VAV3: variants seen among roughly 807,000 people sequenced by gnomAD.
VAV3 encodes guanine nucleotide exchange factor VAV3.
A neutral mutation model predicts 131.2 loss-of-function variants in VAV3; 94 were observed. That is an observed-to-expected ratio of 0.72 (90% CI 0.61 to 0.85). VAV3 has a LOEUF of 0.85. Ranked by LOEUF, VAV3 falls within the 40% of genes least tolerant of loss-of-function variation. The pLI, the probability that VAV3 is intolerant of heterozygous loss-of-function variation, is 0.00. For missense variants in VAV3, 939 were observed against 1,002.7 expected, an observed-to-expected ratio of 0.94 and a Z score of 0.86; for synonymous variants, 349 against 342.0, an observed-to-expected ratio of 1.02 and a Z score of -0.22.
intron 15 of VAV3, among the ~76,000 whole-genome samples, chr1:107,748,472 T>C (rs573077485): frequency 1.3e-3 from 198 of 152,314 alleles, no homozygotes; most frequent in African/African-American, 4.6e-3. Context: ...CCTTAAAGCA[T>C]TCCTTAAATA....
intron 21 of VAV3, among the ~76,000 whole-genome samples, chr1:107,612,862 A>G (rs116300994): frequency 7.2e-4 from 109 of 152,218 alleles, no homozygotes; most frequent in African/African-American, 2.6e-3. Flanking sequence ...GAAATACCAT[A>G]AGGTTTCTAT....
At chr1:107,811,319 C>T (rs1667305498) in intron 2 of VAV3, among the ~76,000 whole-genome samples, 1 of 145,390 alleles carries the variant, frequency 6.9e-6, no homozygotes, top group South Asian at 2.2e-4. Flanking sequence ...TGAGCTTGAC[C>T]ACCAGATCTG....
chr1:107,905,827 C>A lies in VAV3; in HGVS notation c.205-30810G>T, dbSNP rs573248168. Among the ~76,000 whole-genome samples, 21 of 152,190 alleles carry A rather than the reference C, an allele frequency of 1.4e-4. No individual in the cohort carries two copies. The East Asian group carries it at 4.1e-3, about 29-fold the overall frequency. On this transcript the variant is annotated intron_variant, in intron 1 of 26. Transcript: ENST00000370056. ...GCCATTTCTAAAAGAAAAAAGTATT[C>A]TATTCTAGTTAGAAAATGTTAAAGA...
intron 17 of VAV3, among the ~76,000 whole-genome samples, chr1:107,701,147 GTTGT>G (rs1176261122): frequency 2.6e-5 from 4 of 152,188 alleles, no homozygotes; most frequent in East Asian, 1.9e-4. Flanking sequence ...TTTTAATGGG[GTTGT>G]TTGTTTCTTT....
intron 1 of VAV3, among the ~76,000 whole-genome samples, chr1:107,950,058 A>G (rs1261401870): frequency 6.6e-6 from 1 of 152,100 alleles, no homozygotes; most frequent in African/African-American, 2.4e-5. Context: ...GAACTGAAAA[A>G]CGTGACTTGA....
intron 2 of VAV3, among the ~76,000 whole-genome samples, chr1:107,830,745 C>T (rs1205078966): frequency 6.6e-6 from 1 of 152,110 alleles, no homozygotes; most frequent in Non-Finnish European, 1.5e-5. Context: ...CAATGCTGGC[C>T]CCAGGCAATC....
chr1:107,840,249 A>G (rs958048102), intron 2 of VAV3, among the ~76,000 whole-genome samples: 13 of 152,192 alleles, frequency 8.5e-5, no homozygotes, highest in African/African-American at 3.1e-4. Context: ...AGTGTAAATC[A>G]CTGCTTTAAA....
intron 20 of VAV3, among the ~76,000 whole-genome samples, chr1:107,626,046 T>C (rs1056685762): frequency 1.1e-4 from 16 of 152,212 alleles, no homozygotes; most frequent in Admixed American, 1.0e-3. Flanking sequence ...TACTTCATTG[T>C]CTGAACTTCT....
intron 25 of VAV3, among the ~76,000 whole-genome samples, chr1:107,574,816 T>TCAGG (rs1649496389): frequency 6.6e-6 from 1 of 152,220 alleles, no homozygotes; most frequent in Non-Finnish European, 1.5e-5. Context: ...GAGGTGTGAA[T>TCAGG]CAGGTCTCAG....
intron 20 of VAV3, among the ~76,000 whole-genome samples, chr1:107,637,479 C>T (rs1294782851): frequency 3.3e-5 from 5 of 152,000 alleles, no homozygotes; most frequent in Admixed American, 2.0e-4. Context: ...AAAAATTAGC[C>T]GGGCATGGTG....
chr1:107,721,946 G>T (rs1661527325), intron 15 of VAV3, among the ~76,000 whole-genome samples: 1 of 152,150 alleles, frequency 6.6e-6, no homozygotes, highest in African/African-American at 2.4e-5. Context: ...ACCCATAATT[G>T]CAAATGACTT....
chr1:107,626,768 G>C (rs1432275190), intron 20 of VAV3, among the ~76,000 whole-genome samples: 1 of 152,212 alleles, frequency 6.6e-6, no homozygotes, highest in Non-Finnish European at 1.5e-5. Context: ...CCAGTTCCAA[G>C]AAATGTTTAC....
intron 12 of VAV3, among the ~76,000 whole-genome samples, chr1:107,753,527 C>CATATATATAT (rs752202122): frequency 2.2e-4 from 21 of 94,722 alleles, no homozygotes; most frequent in Admixed American, 4.2e-4. Flanking sequence ...TATATATATA[C>CATATATATAT]GTATATATAT....
At chr1:107,927,871 G>A (rs1033344496) in intron 1 of VAV3, among the ~76,000 whole-genome samples, 5 of 152,192 alleles carry the variant, frequency 3.3e-5, no homozygotes, top group South Asian at 4.1e-4. Context: ...CTGAAGGGAA[G>A]GATACAAGCC....
chr1:107,790,679 CTTTTTTTTTTTTT>C (rs145926469), intron 2 of VAV3, among the ~76,000 whole-genome samples: 1 of 69,818 alleles, frequency 1.4e-5, no homozygotes, highest in African/African-American at 5.8e-5. Flanking sequence ...AAATGTCTTC[CTTTTTTTTTTTTT>C]TTTTTTTTTT....
chr1:107,941,067 G>GA (rs1474288576), intron 1 of VAV3, among the ~76,000 whole-genome samples: 1 of 151,818 alleles, frequency 6.6e-6, no homozygotes, highest in African/African-American at 2.4e-5. Flanking sequence ...ATACTGGCAG[G>GA]AAAAAATCTG....
At chr1:107,709,121 T>C (rs985198860) in intron 15 of VAV3, among the ~76,000 whole-genome samples, 2 of 152,262 alleles carry the variant, frequency 1.3e-5, no homozygotes, top group African/African-American at 4.8e-5. Flanking sequence ...TAACATCTGA[T>C]GCCGAGTTAA....
chr1:107,694,315 C>G (rs936032678), intron 17 of VAV3, among the ~76,000 whole-genome samples: 9 of 152,060 alleles, frequency 5.9e-5, no homozygotes, highest in African/African-American at 2.2e-4. Context: ...ATGTTTCAGG[C>G]AGAGGAAATA....
chr1:107,744,948 GC>G (rs752293720), intron 15 of VAV3, among the ~76,000 whole-genome samples: 2 of 152,154 alleles, frequency 1.3e-5, no homozygotes, highest in African/African-American at 2.4e-5. Flanking sequence ...AGTTTCCTGA[GC>G]TACAAAACGG....
Sources: gnomAD v4.1 joint callset for allele counts (sites outside exome capture counted in the v4.1 genomes callset) on GRCh38, gnomAD v4.1.1 for gene constraint, MANE v1.5 for transcripts, NCBI Gene and HGNC (gene_info 2026-07-23, HGNC 2026-07-21) for gene names.